Variants in ASAP1 observed in about 807,000 individuals in gnomAD.
ASAP1 encodes arf-GAP with SH3 domain, ANK repeat and PH domain-containing protein 1.
Under a neutral mutation model 145.2 loss-of-function variants are expected in ASAP1, and 43 were observed. The observed-to-expected ratio is 0.30, with a 90% CI of 0.23 to 0.38. The LOEUF (loss-of-function observed/expected upper bound fraction) is 0.38, where lower values mean the gene tolerates loss of function less well. Ranked by LOEUF, ASAP1 falls within the 10% of genes least tolerant of loss-of-function variation. The pLI is 1.00. For synonymous variants in ASAP1, 546 were observed against 515.5 expected, an observed-to-expected ratio of 1.06 and a Z score of -0.80; for missense variants, 1,018 against 1,355.3, an observed-to-expected ratio of 0.75 and a Z score of 3.91.
intron 5 of ASAP1, among the ~76,000 whole-genome samples, chr8:130,211,447 A>T (rs1816575346): frequency 6.6e-6 from 1 of 152,234 alleles, no homozygotes; most frequent in Admixed American, 6.5e-5. Flanking sequence ...AACCCGAAGC[A>T]TCTCAATGAT....
chr8:130,424,901 G>A (rs1305587416), intron 1 of ASAP1, among the ~76,000 whole-genome samples: 1 of 152,034 alleles, frequency 6.6e-6, no homozygotes, highest in Non-Finnish European at 1.5e-5. Flanking sequence ...GCTGAGGCAG[G>A]AGAATCGCTT....
At chr8:130,364,508 C>T (rs1826860750) in intron 2 of ASAP1, among the ~76,000 whole-genome samples, 1 of 152,160 alleles carries the variant, frequency 6.6e-6, no homozygotes, top group Non-Finnish European at 1.5e-5. Context: ...TTTCATAGCC[C>T]ATGTGATCAG....
chr8:130,186,561 G>C (rs1814744279), intron 7 of ASAP1, among the ~76,000 whole-genome samples: 1 of 152,170 alleles, frequency 6.6e-6, no homozygotes, highest in African/African-American at 2.4e-5. Flanking sequence ...GAGATGGGCC[G>C]AGCACCCTGC....
intron 24 of ASAP1, among the ~76,000 whole-genome samples, chr8:130,101,494 C>T (rs1158988023): frequency 6.6e-6 from 1 of 152,004 alleles, no homozygotes; most frequent in African/African-American, 2.4e-5. Context: ...AGAGCTCTTT[C>T]ACCTCCTTGG....
At chr8:130,164,093 T>G (rs1357718695) in intron 11 of ASAP1, among the ~76,000 whole-genome samples, 1 of 152,178 alleles carries the variant, frequency 6.6e-6, no homozygotes, top group Non-Finnish European at 1.5e-5. Flanking sequence ...GTTTCATTTT[T>G]CTAAATATTT....
intron 3 of ASAP1, among the ~76,000 whole-genome samples, chr8:130,338,674 G>A (rs1049486192): frequency 7.9e-5 from 12 of 152,102 alleles, no homozygotes; most frequent in South Asian, 2.1e-4. Flanking sequence ...CAGTGGCTCC[G>A]GTTCCATCAC....
At chr8:130,187,334 A>G (rs762931126) in intron 6 of ASAP1, 49 bp from the exon 7 acceptor site, 6 of 1,430,254 alleles carry the variant, frequency 4.2e-6, no homozygotes, top group Middle Eastern at 1.8e-4. Flanking sequence ...TTTGCTGAAA[A>G]TTAATAAATA....
chr8:130,107,751 A>G (rs142019789), intron 24 of ASAP1, among the ~76,000 whole-genome samples: 16,131 of 151,276 alleles, frequency 0.11, 1,002 homozygotes, highest in South Asian at 0.28. Context: ...GTTTCACCAT[A>G]TTGGCCAGGC....
At chr8:130,312,093 T>C (rs997313030) in intron 3 of ASAP1, among the ~76,000 whole-genome samples, 3 of 151,792 alleles carry the variant, frequency 2.0e-5, no homozygotes, top group Admixed American at 6.6e-5. Flanking sequence ...CTGGATAACA[T>C]AGCAAGACCC....
intron 7 of ASAP1, 88 bp from the exon 8 acceptor site, chr8:130,180,968 T>G (rs575727091): frequency 7.8e-7 from 1 of 1,281,566 alleles, no homozygotes; most frequent in African/African-American, 1.5e-5. Context: ...AACTATGGAT[T>G]TGGGGTGACG....
At chr8:130,270,965 T>C (rs575854258) in intron 3 of ASAP1, among the ~76,000 whole-genome samples, 1 of 152,306 alleles carries the variant, frequency 6.6e-6, no homozygotes, top group South Asian at 2.1e-4. Context: ...ACAGAACAAG[T>C]GCTGAACAAT....
At chr8:130,060,329 G>GA (rs1044795802) in intron 28 of ASAP1, among the ~76,000 whole-genome samples, 3 of 152,170 alleles carry the variant, frequency 2.0e-5, no homozygotes, top group Non-Finnish European at 2.9e-5. Flanking sequence ...AAGACTCAGA[G>GA]AAAGTAACTT....
At chr8:130,160,818 A>T (rs182607998) in intron 11 of ASAP1, 2 of 1,281,718 alleles carry the variant, frequency 1.6e-6, no homozygotes, top group East Asian at 1.1e-4. Context: ...GGCAAAAGAA[A>T]CAGAGAAAAA....
At chr8:130,131,633 A>C (rs948195286) in intron 15 of ASAP1, among the ~76,000 whole-genome samples, 33 of 150,448 alleles carry the variant, frequency 2.2e-4, no homozygotes, top group Admixed American at 6.6e-4. Flanking sequence ...AAAAAAAAGA[A>C]ATGAAAATTA....
intron 23 of ASAP1, among the ~76,000 whole-genome samples, chr8:130,112,588 T>C (rs2097548649): frequency 6.6e-6 from 1 of 152,204 alleles, no homozygotes; most frequent in Non-Finnish European, 1.5e-5. Flanking sequence ...CACAGTAAGG[T>C]CACAGGTAGA....
In ASAP1 at chr8:130,401,970, C is replaced by T; in HGVS notation, c.-27G>A. 6.2e-7 allele frequency: 1 copy of T among 1,608,940 alleles called. No individual in the cohort carries two copies. Among genetic ancestry groups the T allele is most frequent in the Non-Finnish European group, 8.5e-7 (1 of 1,177,014 alleles). On this transcript the variant is annotated splice_region_variant and 5_prime_UTR_variant, in exon 2 of 30. Transcript: ENST00000518721. ...TCTCAGCCGTCACATCAGAAAACGA[C>T]CTGGATAGGGGGCAGGACAAAAAGG...
chr8:130,428,452 T>TC (rs1565308570), intron 1 of ASAP1, among the ~76,000 whole-genome samples: 1 of 14,294 alleles, frequency 7.0e-5, no homozygotes, highest in Non-Finnish European at 1.4e-4. Flanking sequence ...CCACCATCAT[T>TC]ATCACCATCA....
chr8:130,423,844 T>C (rs1010671655), intron 1 of ASAP1, among the ~76,000 whole-genome samples: 2 of 152,152 alleles, frequency 1.3e-5, no homozygotes, highest in African/African-American at 4.8e-5. Flanking sequence ...TGTTTACATT[T>C]GGAGGAGAAA....
intron 1 of ASAP1, among the ~76,000 whole-genome samples, chr8:130,437,486 T>C (rs896249432): frequency 8.5e-5 from 13 of 152,230 alleles, no homozygotes; most frequent in Non-Finnish European, 1.6e-4. Context: ...CAGAATCTTC[T>C]GGTTTTCCCA....
Sources: gnomAD v4.1 joint callset for allele counts (sites outside exome capture counted in the v4.1 genomes callset) on GRCh38, gnomAD v4.1.1 for gene constraint, MANE v1.5 for transcripts, NCBI Gene and HGNC (gene_info 2026-07-23, HGNC 2026-07-21) for gene names.